SEMA3B: variants seen among roughly 807,000 people sequenced by gnomAD.
SEMA3B encodes the protein semaphorin-3B.
SEMA3B carries 71 observed loss-of-function variants against 77.8 expected under a neutral mutation model. The observed-to-expected ratio is 0.91, with a 90% CI of 0.75 to 1.11. SEMA3B has a LOEUF of 1.11. Among genes scored for constraint, SEMA3B ranks in the 50% most tolerant of loss-of-function variants. SEMA3B has a pLI of 0.00. For missense variants in SEMA3B, 968 were observed against 1,056.8 expected (o/e 0.92, Z 1.17); for synonymous variants, 470 against 452.9 (o/e 1.04, Z -0.48).
Position 50,276,861 on chromosome 3 carries a change from G to A in SEMA3B, c.*155G>A. Reference sequence around the variant, plus strand: ...ACAGGCCCTGGCTGAGGGCAGCTGCGCGGGCTTATTTATTAACAGGATAAC... The same window carrying A: ...ACAGGCCCTGGCTGAGGGCAGCTGCACGGGCTTATTTATTAACAGGATAAC... On this transcript the variant is annotated 3_prime_UTR_variant, in exon 17 of 17. Transcript: ENST00000616701. The surrounding 1 kb of genome is among the most constrained non-coding windows in gnomAD (Gnocchi z 5.8). 2 of 894,200 alleles carry A rather than the reference G, an allele frequency of 2.2e-6. No homozygotes were observed. The highest frequency in any genetic ancestry group is 3.2e-5 in the East Asian group (1 of 31,700). 55.4% of individuals were successfully genotyped at this position (894,200 alleles called of 1,614,324 possible). A position where few individuals can be genotyped will look rare whatever the true frequency, so the allele number is the denominator to read the frequency against.
In SEMA3B at chr3:50,273,467, CG is replaced by C. The variant is rs782799510; in HGVS notation, c.810+26del. On this transcript the variant is annotated intron_variant, in intron 7 of 16. Coordinates refer to ENST00000616701, the MANE Select transcript of SEMA3B (RefSeq NM_001290060.2). This position sits in a 1 kb window ranked among gnomAD's most constrained non-coding sequence, Gnocchi z 6.5. ...GGGTGAGGAGTCCCTGGGCCACACC[CG>C]GCGACCCTGCCCCTACCCCTTTGCC... 2 of 1,611,198 alleles carry C rather than the reference CG, an allele frequency of 1.2e-6. No homozygotes were observed. Among genetic ancestry groups the C allele is most frequent in the Non-Finnish European group, 1.7e-6 (2 of 1,178,146 alleles).
chr3:50,268,996 C>T (rs910129871), upstream of SEMA3B: 10 of 569,586 alleles, frequency 1.8e-5, no homozygotes, highest in Non-Finnish European at 2.8e-5. Context: ...TGCCCAGTGG[C>T]GTGGGTGTGT....
Position 50,276,579 on chromosome 3 carries a change from G to A in SEMA3B, c.2123G>A (p.Arg708His). 6.4e-7 allele frequency: 1 copy of A among 1,554,998 alleles called. No individual in the cohort carries two copies. The highest frequency in any genetic ancestry group is 8.7e-7 in the Non-Finnish European group (1 of 1,155,994). Residue 708 changes from arginine to histidine, a missense_variant, in exon 17 of 17, where the codon CGC becomes CAC. By Grantham distance (29) the Arg-to-His change is conservative. Transcript: ENST00000616701. This position sits in a 1 kb window ranked among gnomAD's most constrained non-coding sequence, Gnocchi z 5.8. ...GGAGGTGGCAGCGCGAACTCCCTGC[G>A]CATGTGCCGCCCGCAGCCTGCGCTG... is the stretch of plus-strand genomic sequence containing the variant. ...PGGGGSANSL[R>H]MCRPQPALQS...
Position 50,269,999 on chromosome 3 carries a change from C to T in SEMA3B, c.110-128C>T. Reference sequence around the variant, plus strand: ...GGGTTTGCGTGTGTAAACTCACACACATGTAAACTCACATGTGTACAGGCC... The same window carrying T: ...GGGTTTGCGTGTGTAAACTCACACATATGTAAACTCACATGTGTACAGGCC... On this transcript the variant is annotated intron_variant, in intron 1 of 16. Transcript: ENST00000616701. This position sits in a 1 kb window ranked among gnomAD's most constrained non-coding sequence, Gnocchi z 4.0. 1 of 1,026,712 alleles carries T rather than the reference C, an allele frequency of 9.7e-7. No individual in the cohort carries two copies. 63.6% of individuals were successfully genotyped at this position (1,026,712 alleles called of 1,614,324 possible).
In SEMA3B at chr3:50,276,627, G is replaced by A. The variant is rs368594845; in HGVS notation, c.2171G>A (p.Arg724Gln). 5.0e-6 allele frequency: 8 copies of A among 1,593,538 alleles called. No individual in the cohort carries two copies. The highest frequency in any genetic ancestry group is 6.0e-6 in the Non-Finnish European group (7 of 1,174,934). ...CTGCAGTCACTGCCCCTGGAGTCGCGGAGAAAGGGCCGTAACCGGAGGACC... is the reference window on the plus strand; with the variant it reads ...CTGCAGTCACTGCCCCTGGAGTCGCAGAGAAAGGGCCGTAACCGGAGGACC... ...PALQSLPLES[R>Q]RKGRNRRTHA... The change falls in exon 17 of 17, where the codon CGG becomes CAG. Residue 724 changes from arginine to glutamine, a missense_variant. Coordinates refer to ENST00000616701, the MANE Select transcript of SEMA3B (RefSeq NM_001290060.2). The surrounding 1 kb of genome is among the most constrained non-coding windows in gnomAD (Gnocchi z 5.8).
chr3:50,275,413 G>C lies in SEMA3B; in HGVS notation c.1603G>C (p.Ala535Pro), dbSNP rs587739030. 56 of 1,600,768 alleles carry C rather than the reference G, an allele frequency of 3.5e-5. No homozygotes were observed. In the East Asian group the frequency reaches 1.2e-3, roughly 36 times the overall value. Reference protein sequence around the residue: ...ECCLARDPYCAWDGVACTRFQ... With the variant: ...ECCLARDPYCPWDGVACTRFQ... ...CTGTCTGGCGCGTGACCCCTACTGCGCCTGGGACGGGGTCGCGTGCACGCG... is the reference window on the plus strand; with the variant it reads ...CTGTCTGGCGCGTGACCCCTACTGCCCCTGGGACGGGGTCGCGTGCACGCG... Residue 535 changes from alanine (A) to proline (P), a missense_variant, in exon 14 of 17, where the codon GCC (alanine) becomes CCC (proline). By Grantham distance (27) the Ala-to-Pro change is conservative. Coordinates refer to ENST00000616701, the MANE Select transcript of SEMA3B (RefSeq NM_001290060.2). The surrounding 1 kb of genome is among the most constrained non-coding windows in gnomAD (Gnocchi z 7.5).
In SEMA3B at chr3:50,271,348, GCT is replaced by G; in HGVS notation, c.545-10_545-9del. 1 of 1,564,262 alleles carries G rather than the reference GCT, an allele frequency of 6.4e-7. No individual in the cohort carries two copies. The highest frequency in any genetic ancestry group is 1.2e-5 in the South Asian group (1 of 84,762). The stretch of plus-strand genomic sequence containing the variant: ...CCCTCCATTTGCCTGAGTGGCCCTT[GCT>G]CTGTCTGCAGGGGAGGAGCTATACT... On this transcript the variant is annotated splice_polypyrimidine_tract_variant and intron_variant, in intron 5 of 16. Transcript: ENST00000616701.
chr3:50,272,412 TA>T (rs1296731013), intron 6 of SEMA3B, among the ~76,000 whole-genome samples: 3 of 150,774 alleles, frequency 2.0e-5, no homozygotes, highest in Admixed American at 6.6e-5. Flanking sequence ...CTGTCTCTAC[TA>T]AAAAATACAA....
At position 50,274,966 on chromosome 3, in the gene SEMA3B, C is replaced by A. The variant is rs1220590783; in HGVS notation, c.1449+32C>A. 3 of 1,599,968 alleles carry A rather than the reference C, an allele frequency of 1.9e-6. No individual in the cohort carries two copies. The highest frequency in any genetic ancestry group is 2.2e-5 in the East Asian group (1 of 44,476). The stretch of plus-strand genomic sequence containing the variant: ...CCTCACCCCCAGTCGCCCGGGACCC[C>A]CCCACCCCACTAAGCCCTGACCCCG... On this transcript the variant is annotated intron_variant, in intron 12 of 16. Transcript: ENST00000616701. The surrounding 1 kb of genome is among the most constrained non-coding windows in gnomAD (Gnocchi z 4.7).
chr3:50,262,768 G>C (rs916988653), upstream of SEMA3B, among the ~76,000 whole-genome samples: 1 of 152,218 alleles, frequency 6.6e-6, no homozygotes, highest in Non-Finnish European at 1.5e-5. Flanking sequence ...ACTGAGGTCA[G>C]GGTCATCAAG....
upstream of SEMA3B, chr3:50,268,913 T>A (rs587676274): frequency 7.4e-6 from 3 of 406,622 alleles, no homozygotes; most frequent in Admixed American, 1.3e-4. Flanking sequence ...TGAGTGTGTA[T>A]ACAAGAGAGG....
chr3:50,277,496 G>A lies in SEMA3B; in HGVS notation c.*790G>A, dbSNP rs1701296634. 7.3e-6 allele frequency: 1 copy of A among 136,560 alleles called. No individual in the cohort carries two copies. Among genetic ancestry groups the A allele is most frequent in the Non-Finnish European group, 1.5e-5 (1 of 65,880 alleles). 8.5% of individuals were successfully genotyped at this position (136,560 alleles called of 1,614,324 possible). A position where few individuals can be genotyped will look rare whatever the true frequency, so the allele number is the denominator to read the frequency against. On this transcript the variant is annotated 3_prime_UTR_variant, in exon 17 of 17. Coordinates refer to ENST00000616701, the MANE Select transcript of SEMA3B (RefSeq NM_001290060.2). ...GAACCTGGGAGGTGGAGGTTGCAAT[G>A]AGCCTAGATCTCGCCGCTGCACTCC...
chr3:50,276,924 G>A lies in SEMA3B; in HGVS notation c.*218G>A. The A allele has an allele frequency of 1.9e-6, 1 of 528,292 alleles. No individual in the cohort carries two copies. Among genetic ancestry groups the A allele is most frequent in the Non-Finnish European group, 3.1e-6 (1 of 321,610 alleles). 32.7% of individuals were successfully genotyped at this position (528,292 alleles called of 1,614,324 possible). A position where few individuals can be genotyped will look rare whatever the true frequency, so the allele number is the denominator to read the frequency against. ...CAGCCCCGGGAGGGCGGCACAGGTC[G>A]GGCGCAGGATTCAGCCGGAGGGAAG... On this transcript the variant is annotated 3_prime_UTR_variant, in exon 17 of 17. Coordinates refer to ENST00000616701, the MANE Select transcript of SEMA3B (RefSeq NM_001290060.2). The surrounding 1 kb of genome is among the most constrained non-coding windows in gnomAD (Gnocchi z 5.8).
chr3:50,272,805 T>A (rs1553705578), intron 6 of SEMA3B, among the ~76,000 whole-genome samples: 1 of 149,966 alleles, frequency 6.7e-6, no homozygotes, highest in Non-Finnish European at 1.5e-5. Context: ...GATCGAGCAC[T>A]CCAGCCTGGG....
chr3:50,276,513 A>G lies in SEMA3B; in HGVS notation c.2057A>G (p.Lys686Arg). ...GCGCCCGCCGCGCCGCCGGGCCCCAAACTCTGGTACCGGGACTTTCTGCAG... is the reference window on the plus strand; with the variant it reads ...GCGCCCGCCGCGCCGCCGGGCCCCAGACTCTGGTACCGGGACTTTCTGCAG... ...EAAPAAPPGP[K>R]LWYRDFLQLV... Residue 686 changes from lysine to arginine, a missense_variant, in exon 17 of 17, where the codon AAA (lysine) becomes AGA (arginine). Coordinates refer to ENST00000616701, the MANE Select transcript of SEMA3B (RefSeq NM_001290060.2). This position sits in a 1 kb window ranked among gnomAD's most constrained non-coding sequence, Gnocchi z 5.8. 6 of 1,532,714 alleles carry G rather than the reference A, an allele frequency of 3.9e-6. No homozygotes were observed. The highest frequency in any genetic ancestry group is 5.2e-6 in the Non-Finnish European group (6 of 1,144,274). 94.9% of individuals were successfully genotyped at this position (1,532,714 alleles called of 1,614,324 possible).
chr3:50,272,355 G>A (rs1188369360), intron 6 of SEMA3B, among the ~76,000 whole-genome samples: 4 of 152,060 alleles, frequency 2.6e-5, no homozygotes, highest in East Asian at 1.9e-4. Context: ...CAGGCAAATC[G>A]CTTGAGGCCA....
chr3:50,271,557 A>T, intron 6 of SEMA3B, 77 bp downstream of exon 6: 4 of 1,539,800 alleles, frequency 2.6e-6, no homozygotes, highest in Non-Finnish European at 3.5e-6. Context: ...CCCATAAAGT[A>T]AGTGAGCAGT....
rs587689580 is a variant in SEMA3B at position 50,270,128 on chromosome 3, G to A, written c.111G>A (p.Glu37=). Residue 37 remains glutamate, a splice_region_variant and synonymous_variant, in exon 2 of 17, where the codon GAG becomes GAA. Coordinates refer to ENST00000616701, the MANE Select transcript of SEMA3B (RefSeq NM_001290060.2). The surrounding 1 kb of genome is among the most constrained non-coding windows in gnomAD (Gnocchi z 4.7). ...SPPRLRLSFQ[E]LQAWHGLQTF... is the part of the protein sequence containing the mutation. The stretch of plus-strand genomic sequence containing the variant: ...CATCAGCAGTGTCCTGCCCTGCAGA[G>A]CTCCAGGCCTGGCATGGTCTCCAGA... 2.6e-6 allele frequency: 4 copies of A among 1,549,602 alleles called. No homozygotes were observed. Among genetic ancestry groups the A allele is most frequent in the East Asian group, 2.4e-5 (1 of 41,054 alleles).
upstream of SEMA3B, among the ~76,000 whole-genome samples, chr3:50,267,079 G>C (rs1451275210): frequency 6.6e-6 from 1 of 152,164 alleles, no homozygotes; most frequent in African/African-American, 2.4e-5. This position sits in a 1 kb window ranked among gnomAD's most constrained non-coding sequence, Gnocchi z 5.7. Flanking sequence ...TGGCTGTCAT[G>C]GTAGAAGCCA....
Sources: allele counts gnomAD v4.1 joint callset (sites outside exome capture counted in the v4.1 genomes callset), GRCh38; gene constraint gnomAD v4.1.1; non-coding constraint Gnocchi (gnomAD v3.1); transcripts MANE v1.5; gene names NCBI Gene and HGNC (gene_info 2026-07-23, HGNC 2026-07-21).